The following PDLIM5 variants were observed in gnomAD, a reference collection of about 807,000 sequenced individuals.
PDLIM5 encodes PDZ and LIM domain 5, also known as PDZ and LIM domain protein 5.
Under a neutral mutation model 64.2 loss-of-function variants are expected in PDLIM5, and 34 were observed. The ratio of observed to expected loss-of-function variants is 0.53; its 90% CI spans 0.40 to 0.71. The LOEUF (loss-of-function observed/expected upper bound fraction) is 0.71. Ranked by LOEUF, PDLIM5 falls within the 30% of genes least tolerant of loss-of-function variation. The pLI is 0.00. For missense variants in PDLIM5, 683 were observed against 733.6 expected (o/e 0.93, Z 0.80); for synonymous variants, 253 against 269.1 (o/e 0.94, Z 0.59).
Position 94,618,062 on chromosome 4 carries a change from C to T in PDLIM5, c.979C>T (p.Pro327Ser). Residue 327 changes from proline to serine, a missense_variant, in exon 8 of 13, where the codon CCC becomes TCC. Physicochemically the swap from Pro to Ser is moderately conservative, Grantham distance 74 (BLOSUM62 -1). Transcript: ENST00000317968. The part of the protein sequence containing the change: ...ASSVASTRSM[P>S]ESLDSPTSGR... ...CTCGGTAGCTTCCACACGGAGCATG[C>T]CCGAGAGCCTGGACAGCCCAACCTC... The T allele has an allele frequency of 6.2e-7, 1 of 1,610,352 alleles. No homozygotes were observed. The highest frequency in any genetic ancestry group is 1.1e-5 in the South Asian group (1 of 90,356).
At chr4:94,605,766 A>G (rs1334145984) in intron 7 of PDLIM5, among the ~76,000 whole-genome samples, 3 of 152,138 alleles carry the variant, frequency 2.0e-5, no homozygotes, top group African/African-American at 7.2e-5. Context: ...TTCATGATTT[A>G]TATGAAATTT....
intron 3 of PDLIM5, among the ~76,000 whole-genome samples, chr4:94,538,640 C>T (rs1023105593): frequency 1.3e-5 from 2 of 152,174 alleles, no homozygotes; most frequent in Non-Finnish European, 2.9e-5. Flanking sequence ...TTGGGAAATT[C>T]TGGATTTAGT....
intron 7 of PDLIM5, among the ~76,000 whole-genome samples, chr4:94,591,091 T>C (rs1736639975): frequency 6.6e-6 from 1 of 151,984 alleles, no homozygotes; most frequent in African/African-American, 2.4e-5. Flanking sequence ...ATACAGAAAA[T>C]ACGAAAACAC....
intron 3 of PDLIM5, among the ~76,000 whole-genome samples, chr4:94,556,318 G>A (rs1361119782): frequency 6.6e-6 from 1 of 152,076 alleles, no homozygotes; most frequent in Non-Finnish European, 1.5e-5. Flanking sequence ...ATGGACATTT[G>A]GGTTGGTTCC....
chr4:94,611,222 C>T, intron 7 of PDLIM5: 2 of 1,527,862 alleles, frequency 1.3e-6, no homozygotes, highest in Non-Finnish European at 1.8e-6. Flanking sequence ...GCAGATATGG[C>T]AAGTGGTGGT....
intron 9 of PDLIM5, among the ~76,000 whole-genome samples, chr4:94,643,291 T>G (rs1421079943): frequency 2.6e-5 from 4 of 152,204 alleles, no homozygotes; most frequent in African/African-American, 9.6e-5. Flanking sequence ...TACGAATGAA[T>G]AGGAAGTTAC....
At chr4:94,470,617 A>G (rs1432623981) in intron 2 of PDLIM5, among the ~76,000 whole-genome samples, 1 of 152,182 alleles carries the variant, frequency 6.6e-6, no homozygotes, top group Non-Finnish European at 1.5e-5. Context: ...AAGTTTTAAT[A>G]TGTTTTTCAT....
chr4:94,552,199 A>C (rs1732871418), intron 3 of PDLIM5, among the ~76,000 whole-genome samples: 1 of 152,104 alleles, frequency 6.6e-6, no homozygotes, highest in Admixed American at 6.6e-5. Context: ...ACAGTTAACT[A>C]TTTTCAGAAT....
Position 94,665,953 on chromosome 4 carries a change from G to A in PDLIM5, c.*1886G>A. On this transcript the variant is annotated 3_prime_UTR_variant, in exon 13 of 13. Transcript: ENST00000317968. ...AGGGAAACAATTGTGGTAAAACTGT[G>A]GATCCTGTTGCTATTTGCCCAGTGA... The A allele has an allele frequency of 6.6e-7, 1 of 1,523,816 alleles. No homozygotes were observed. Among genetic ancestry groups the A allele is most frequent in the Non-Finnish European group, 8.8e-7 (1 of 1,140,950 alleles). 94.4% of individuals were successfully genotyped at this position (1,523,816 alleles called of 1,614,324 possible). A position where few individuals can be genotyped will look rare whatever the true frequency, so the allele number is the denominator to read the frequency against.
intron 7 of PDLIM5, among the ~76,000 whole-genome samples, chr4:94,611,574 T>A (rs1056888821): frequency 3.3e-5 from 5 of 152,192 alleles, no homozygotes; most frequent in African/African-American, 4.8e-5. Flanking sequence ...AAAATGATAA[T>A]GATCAATTTT....
intron 7 of PDLIM5, among the ~76,000 whole-genome samples, chr4:94,611,942 G>T (rs1738397087): frequency 6.6e-6 from 1 of 152,174 alleles, no homozygotes; most frequent in African/African-American, 2.4e-5. Flanking sequence ...CCTGGGCCAG[G>T]TGCAGTGGCT....
chr4:94,638,523 G>A (rs957990765), intron 8 of PDLIM5, among the ~76,000 whole-genome samples: 5 of 152,208 alleles, frequency 3.3e-5, no homozygotes, highest in African/African-American at 1.2e-4. Flanking sequence ...TTATTCTAGT[G>A]AGGGAGAATT....
chr4:94,455,630 C>G, intron 2 of PDLIM5: 1 of 684,214 alleles, frequency 1.5e-6, no homozygotes, highest in South Asian at 2.0e-5. Flanking sequence ...AAGCATTTAA[C>G]TAGGAACAGA....
chr4:94,597,199 C>T (rs1357204310), intron 7 of PDLIM5, among the ~76,000 whole-genome samples: 3 of 152,096 alleles, frequency 2.0e-5, no homozygotes, highest in Admixed American at 6.6e-5. Flanking sequence ...ATTTTAATGT[C>T]TTCAGGTAGC....
intron 11 of PDLIM5, among the ~76,000 whole-genome samples, chr4:94,661,584 G>A (rs1025350120): frequency 1.3e-5 from 2 of 152,152 alleles, no homozygotes; most frequent in Non-Finnish European, 2.9e-5. Flanking sequence ...AAAATAAATT[G>A]TGGCTAATAT....
At chr4:94,511,984 A>G (rs1285814327) in intron 2 of PDLIM5, among the ~76,000 whole-genome samples, 3 of 151,884 alleles carry the variant, frequency 2.0e-5, no homozygotes, top group Admixed American at 6.6e-5. Context: ...TCTTTTGAGT[A>G]TATACCCAGC....
intron 3 of PDLIM5, among the ~76,000 whole-genome samples, chr4:94,535,784 C>T (rs1410104040): frequency 3.3e-5 from 5 of 150,100 alleles, no homozygotes; most frequent in African/African-American, 1.2e-4. Flanking sequence ...CTCATACCTG[C>T]TGTGGAGCTC....
chr4:94,461,020 G>A (rs2126079499), intron 2 of PDLIM5, among the ~76,000 whole-genome samples: 1 of 152,280 alleles, frequency 6.6e-6, no homozygotes, highest in East Asian at 1.9e-4. Flanking sequence ...CTTTGTCTAT[G>A]ACATCCTGTT....
chr4:94,563,950 C>CTTTTTTTTTTTTTTTTTTT, intron 3 of PDLIM5, among the ~76,000 whole-genome samples: 1 of 118,360 alleles, frequency 8.4e-6, no homozygotes, highest in Non-Finnish European at 1.7e-5. Context: ...TTTTTTTTTT[C>CTTTTTTTTTTTTTTTTTTT]TTTCTTTCTT....
Sources: gnomAD v4.1 joint callset for allele counts (sites outside exome capture counted in the v4.1 genomes callset) on GRCh38, gnomAD v4.1.1 for gene constraint, MANE v1.5 for transcripts, NCBI Gene and HGNC (gene_info 2026-07-23, HGNC 2026-07-21) for gene names.